PCDH15: variants seen among roughly 807,000 people sequenced by gnomAD.
PCDH15 encodes the protein protocadherin-15.
A neutral mutation model predicts 178.5 loss-of-function variants in PCDH15; 129 were observed. The ratio of observed to expected loss-of-function variants is 0.72; its 90% confidence interval spans 0.63 to 0.84. PCDH15 has a LOEUF of 0.84. Ranked by LOEUF, PCDH15 falls within the 40% of genes least tolerant of loss-of-function variation. The pLI is 0.00. For missense variants in PCDH15, 2,230 were observed against 2,099.9 expected (o/e 1.06, Z -1.21); for synonymous variants, 800 against 732.0 (o/e 1.09, Z -1.50).
chr10:54,379,079 C>T, intron 3 of PCDH15, 137 bp from the exon 4 acceptor site: 1 of 901,046 alleles, frequency 1.1e-6, no homozygotes, highest in Non-Finnish European at 1.8e-6. Context: ...TAGCATAAGA[C>T]AGAAAATATT....
intron 8 of PCDH15, among the ~76,000 whole-genome samples, chr10:54,259,532 G>T (rs2057163370): frequency 6.6e-6 from 1 of 152,152 alleles, no homozygotes; most frequent in Admixed American, 6.5e-5. Flanking sequence ...GATAAGAAAA[G>T]AAGTAGAAAG....
At chr10:54,500,179 G>A (rs1015738882) in intron 3 of PCDH15, among the ~76,000 whole-genome samples, 2 of 152,050 alleles carry the variant, frequency 1.3e-5, no homozygotes, top group Non-Finnish European at 2.9e-5. Context: ...ATTATATTAA[G>A]CAAATAACCA....
intron 1 of PCDH15, among the ~76,000 whole-genome samples, chr10:55,304,999 C>A (rs1000444743): frequency 6.6e-6 from 1 of 152,100 alleles, no homozygotes; most frequent in African/African-American, 2.4e-5. Context: ...AATCATAAAA[C>A]CATAGGGCTT....
chr10:55,549,510 T>A (rs1241222345), intron 2 of PCDH15, among the ~76,000 whole-genome samples: 2 of 152,186 alleles, frequency 1.3e-5, no homozygotes, highest in East Asian at 3.9e-4. Context: ...AGGTAGGAAG[T>A]TGAAGTTGGA....
At chr10:53,925,585 T>C (rs981163846) in intron 25 of PCDH15, among the ~76,000 whole-genome samples, 2 of 152,234 alleles carry the variant, frequency 1.3e-5, no homozygotes, top group African/African-American at 4.8e-5. Flanking sequence ...TTCTCCCTGA[T>C]ACAAGCTTCA....
chr10:55,295,593 G>T (rs1467085767), intron 1 of PCDH15, among the ~76,000 whole-genome samples: 2 of 152,140 alleles, frequency 1.3e-5, no homozygotes, highest in African/African-American at 4.8e-5. Context: ...CATATTCTGG[G>T]ATGTCCAATT....
intron 2 of PCDH15, among the ~76,000 whole-genome samples, chr10:54,598,101 T>C (rs1228550514): frequency 6.6e-6 from 1 of 151,880 alleles, no homozygotes; most frequent in Non-Finnish European, 1.5e-5. Context: ...CCCCCACAAT[T>C]GAGAAGGGAC....
chr10:54,188,043 C>T (rs1224032901), intron 11 of PCDH15, among the ~76,000 whole-genome samples: 1 of 151,676 alleles, frequency 6.6e-6, no homozygotes. Flanking sequence ...CATATCAGTA[C>T]CAACTAACCT....
At chr10:54,239,499 A>G (rs1235063080) in intron 8 of PCDH15, among the ~76,000 whole-genome samples, 1 of 151,756 alleles carries the variant, frequency 6.6e-6, no homozygotes, top group African/African-American at 2.4e-5. Context: ...TAATTAGAAG[A>G]TGAAAAACTG....
intron 6 of PCDH15, among the ~76,000 whole-genome samples, chr10:54,336,314 C>A (rs974963175): frequency 6.6e-6 from 1 of 152,242 alleles, no homozygotes; most frequent in South Asian, 2.1e-4. Context: ...TAATGAGGAA[C>A]CAAATGTTAA....
At chr10:54,591,523 G>T (rs777483152) in intron 2 of PCDH15, among the ~76,000 whole-genome samples, 3 of 152,104 alleles carry the variant, frequency 2.0e-5, no homozygotes, top group Non-Finnish European at 4.4e-5. Context: ...GATTTTAATC[G>T]TCAGACCTGT....
At chr10:55,588,638 A>C (rs1247542938) in intron 2 of PCDH15, among the ~76,000 whole-genome samples, 1 of 152,128 alleles carries the variant, frequency 6.6e-6, no homozygotes, top group East Asian at 1.9e-4. Flanking sequence ...AAAAAGAATA[A>C]AACCTCTAGT....
chr10:54,762,289 G>A (rs1947976982), intron 1 of PCDH15, among the ~76,000 whole-genome samples: 1 of 152,068 alleles, frequency 6.6e-6, no homozygotes, highest in Non-Finnish European at 1.5e-5. Context: ...AAATTTGCTG[G>A]AGATATTAGC....
chr10:54,278,752 G>C (rs2043998), intron 8 of PCDH15, among the ~76,000 whole-genome samples: 74,446 of 151,288 alleles, frequency 0.49, 19,318 homozygotes, highest in Middle Eastern at 0.6. Context: ...GGAGCCTGTG[G>C]AGAATGGCAA....
chr10:53,844,698 T>C lies in PCDH15; in HGVS notation c.3807-4202A>G, dbSNP rs146089540. Among the ~76,000 whole-genome samples, 328 of 152,004 alleles carry C rather than the reference T, an allele frequency of 2.2e-3. 1 individual carries two copies. Among genetic ancestry groups the C allele is most frequent in the Admixed American group, 3.4e-3 (52 of 15,270 alleles). On this transcript the variant is annotated intron_variant, in intron 28 of 37. Coordinates refer to ENST00000644397, the MANE Select transcript of PCDH15 (RefSeq NM_001384140.1). ...CATATTCAGAAAAATAAAAATAGAT[T>C]CCCATCTTTTTCTATGTACAAAAAT...
At chr10:54,607,464 G>A (rs1378353049) in intron 2 of PCDH15, among the ~76,000 whole-genome samples, 1 of 150,238 alleles carries the variant, frequency 6.7e-6, no homozygotes, top group Non-Finnish European at 1.5e-5. Context: ...AGACTAGAGA[G>A]AAGAGAAGGA....
chr10:53,857,458 G>A (rs867231879), intron 27 of PCDH15, among the ~76,000 whole-genome samples, 195 bp from the exon 28 acceptor site: 17 of 152,068 alleles, frequency 1.1e-4, no homozygotes, highest in African/African-American at 4.1e-4. Context: ...GGCAGACTGA[G>A]CATGAGAAAC....
chr10:55,117,162 T>C (rs1837646785), intron 2 of PCDH15, among the ~76,000 whole-genome samples: 1 of 152,182 alleles, frequency 6.6e-6, no homozygotes, highest in East Asian at 1.9e-4. Flanking sequence ...CGATCTTTTG[T>C]CACAGGTGTC....
chr10:54,378,978 T>G, intron 3 of PCDH15, 36 bp from the exon 4 acceptor site: 1 of 1,609,730 alleles, frequency 6.2e-7, no homozygotes, highest in Non-Finnish European at 8.5e-7. Context: ...AAACATATTC[T>G]ACTCATATGA....
Sources: gnomAD v4.1 joint callset for allele counts (sites outside exome capture counted in the v4.1 genomes callset) on GRCh38, gnomAD v4.1.1 for gene constraint, MANE v1.5 for transcripts, NCBI Gene and HGNC (gene_info 2026-07-23, HGNC 2026-07-21) for gene names.